The following KYNU variants were observed in gnomAD, a reference collection of about 807,000 sequenced individuals.
KYNU encodes the protein kynureninase, also known as L-kynurenine hydrolase.
A neutral mutation model predicts 59.2 loss-of-function variants in KYNU; 54 were observed. The ratio of observed to expected loss-of-function variants is 0.91; its 90% confidence interval spans 0.73 to 1.14. KYNU has a LOEUF of 1.14. KYNU is among the 50% of genes most tolerant of loss of function. The pLI is 0.00. For missense variants in KYNU, 567 were observed against 554.4 expected (o/e 1.02, Z -0.23); for synonymous variants, 177 against 192.0 (o/e 0.92, Z 0.65).
intron 2 of KYNU, among the ~76,000 whole-genome samples, chr2:142,902,596 G>T (rs866914945): frequency 5.3e-5 from 8 of 152,212 alleles, no homozygotes; most frequent in Middle Eastern, 3.2e-3. Flanking sequence ...GAGGGCCCTG[G>T]TGCCTTTGGA....
At chr2:143,040,111 A>C (rs1012812852) in intron 12 of KYNU, among the ~76,000 whole-genome samples, 2 of 152,066 alleles carry the variant, frequency 1.3e-5, no homozygotes, top group Non-Finnish European at 2.9e-5. Flanking sequence ...TCAGTACTGA[A>C]ACAGTTGTGA....
chr2:142,966,716 C>T (rs1684551559), intron 8 of KYNU, among the ~76,000 whole-genome samples: 4 of 151,896 alleles, frequency 2.6e-5, no homozygotes, highest in Admixed American at 2.6e-4. Context: ...GTCCATTTAA[C>T]AAATTAGGAA....
intron 11 of KYNU, among the ~76,000 whole-genome samples, chr2:143,032,435 G>A (rs369668969): frequency 6.6e-6 from 1 of 151,976 alleles, no homozygotes; most frequent in African/African-American, 2.4e-5. Flanking sequence ...CGACATATGG[G>A]GATTACAATT....
At chr2:143,006,688 C>T (rs1361406081) in intron 10 of KYNU, among the ~76,000 whole-genome samples, 3 of 151,268 alleles carry the variant, frequency 2.0e-5, no homozygotes, top group Non-Finnish European at 4.4e-5. Context: ...AGTGGCTCTC[C>T]CAGCACGCAG....
chr2:142,940,870 G>T (rs1683573771), intron 4 of KYNU, among the ~76,000 whole-genome samples: 1 of 152,182 alleles, frequency 6.6e-6, no homozygotes, highest in African/African-American at 2.4e-5. Context: ...ATTTGCTAGA[G>T]CAATTTCAGA....
chr2:142,961,998 A>G (rs1003654135), intron 8 of KYNU, among the ~76,000 whole-genome samples: 1 of 152,218 alleles, frequency 6.6e-6, no homozygotes, highest in African/African-American at 2.4e-5. Context: ...AATTTCTAAC[A>G]ACGACTTCCA....
At position 143,040,593 on chromosome 2, in the gene KYNU, C is replaced by A. The variant is rs1442620289; in HGVS notation, c.1207C>A (p.Leu403Ile). ...PSHVEERGCQ[L>I]TITFSVPNKD... ...TCATGTAGAGGAGCGGGGGTGCCAGCTAACAATAACATTTTCTGTTCCAAA... is the reference window on the plus strand; with the variant it reads ...TCATGTAGAGGAGCGGGGGTGCCAGATAACAATAACATTTTCTGTTCCAAA... The change falls in exon 13 of 14, where the codon CTA becomes ATA. Residue 403 changes from leucine to isoleucine, a missense_variant. Transcript: ENST00000264170. The A allele has an allele frequency of 3.1e-6, 5 of 1,612,118 alleles. No homozygotes were observed. Among genetic ancestry groups the A allele is most frequent in the Admixed American group, 3.3e-5 (2 of 59,736 alleles).
Position 143,050,810 on chromosome 2 carries a change from CT to C in KYNU, c.*8639del, listed in dbSNP as rs2104934963. Reference sequence around the variant, plus strand: ...ACATTTAAATTATATAGTGTATTTTCTCCATAAACTGAAGTTGTTAGAACAT... The same window carrying C: ...ACATTTAAATTATATAGTGTATTTTCCCATAAACTGAAGTTGTTAGAACAT... On this transcript the variant is annotated 3_prime_UTR_variant, in exon 14 of 14. Coordinates refer to ENST00000264170, the MANE Select transcript of KYNU (RefSeq NM_003937.3). 6.6e-6 allele frequency: 1 copy of C among 152,218 alleles called. No homozygotes were observed. Among genetic ancestry groups the C allele is most frequent in the Non-Finnish European group, 1.5e-5 (1 of 68,018 alleles). The allele number at this position is 152,218 out of a possible 1,614,324, so 9.4% of individuals were successfully genotyped here.
intron 4 of KYNU, among the ~76,000 whole-genome samples, chr2:142,929,798 AG>A (rs1382306462): frequency 2.0e-5 from 3 of 152,222 alleles, no homozygotes; most frequent in East Asian, 1.9e-4. Flanking sequence ...GAGGAAGATA[AG>A]GGGTGATGAA....
In KYNU at chr2:143,041,774, C is replaced by G. The variant is rs138350033; in HGVS notation, c.1273-273C>G. Among the ~76,000 whole-genome samples the G allele has an allele frequency of 5.0e-3, 756 of 151,814 alleles. 7 individuals are homozygous for G. Among genetic ancestry groups the G allele is most frequent in the African/African-American group, 0.017 (723 of 41,432 alleles). ...AAAAAAAACAAAATGTATTTATGGTCTATTAAATGCTTAAGGAAGATAGTT... is the reference window on the plus strand; with the variant it reads ...AAAAAAAACAAAATGTATTTATGGTGTATTAAATGCTTAAGGAAGATAGTT... On this transcript the variant is annotated intron_variant, in intron 13 of 13. Transcript: ENST00000264170.
At chr2:143,006,370 C>G (rs1439864322) in intron 10 of KYNU, among the ~76,000 whole-genome samples, 1 of 151,866 alleles carries the variant, frequency 6.6e-6, no homozygotes, top group Non-Finnish European at 1.5e-5. Context: ...CGGCGCACCA[C>G]GAGATTATAT....
chr2:142,881,196 A>G (rs528713294), intron 1 of KYNU: 15 of 152,352 alleles, frequency 9.8e-5, no homozygotes, highest in African/African-American at 2.6e-4. Flanking sequence ...TGGAGGACAA[A>G]TAATACTTAT....
intron 10 of KYNU, among the ~76,000 whole-genome samples, chr2:143,023,518 A>C (rs1226101091): frequency 6.6e-6 from 1 of 151,934 alleles, no homozygotes; most frequent in Non-Finnish European, 1.5e-5. Flanking sequence ...TAGGTTAATA[A>C]AACTTCTGCC....
At chr2:142,988,251 A>G (rs1183300909) in intron 10 of KYNU, among the ~76,000 whole-genome samples, 1 of 151,948 alleles carries the variant, frequency 6.6e-6, no homozygotes, top group Non-Finnish European at 1.5e-5. Flanking sequence ...ACTGACCCCT[A>G]AGTACTTCGT....
At chr2:142,973,962 T>C (rs1005258204) in intron 8 of KYNU, among the ~76,000 whole-genome samples, 1 of 152,314 alleles carries the variant, frequency 6.6e-6, no homozygotes, top group Admixed American at 6.5e-5. Flanking sequence ...ACCCTCGACA[T>C]GTTCTAACAC....
chr2:142,991,504 G>A (rs1371514), intron 10 of KYNU, among the ~76,000 whole-genome samples: 38,237 of 151,532 alleles, frequency 0.25, 5,287 homozygotes, highest in East Asian at 0.47. Flanking sequence ...TGTTCTGCTT[G>A]TTTAGCCTGT....
At chr2:142,968,731 T>C (rs1008502696) in intron 8 of KYNU, among the ~76,000 whole-genome samples, 1 of 152,020 alleles carries the variant, frequency 6.6e-6, no homozygotes, top group African/African-American at 2.4e-5. Flanking sequence ...CTGAGCAACA[T>C]GTTGAAACAT....
chr2:143,029,275 G>C (rs557017546), intron 10 of KYNU, among the ~76,000 whole-genome samples: 1 of 152,208 alleles, frequency 6.6e-6, no homozygotes, highest in Non-Finnish European at 1.5e-5. Context: ...TAAATTAGTA[G>C]TGTTTATTTT....
chr2:143,000,825 T>C (rs111546506), intron 10 of KYNU, among the ~76,000 whole-genome samples: 1 of 152,168 alleles, frequency 6.6e-6, no homozygotes, highest in Non-Finnish European at 1.5e-5. Context: ...GTGCTTTTTT[T>C]CCTCTGGCCT....
Sources: allele counts gnomAD v4.1 joint callset (sites outside exome capture counted in the v4.1 genomes callset), GRCh38; gene constraint gnomAD v4.1.1; transcripts MANE v1.5; gene names NCBI Gene and HGNC (gene_info 2026-07-23, HGNC 2026-07-21).